The following RNGTT variants were observed in gnomAD, a reference collection of about 807,000 sequenced individuals.
The protein encoded by RNGTT is mRNA-capping enzyme.
In RNGTT, 33 loss-of-function variants were observed where a neutral mutation model predicts 79.3. That is an observed-to-expected ratio of 0.42 (90% CI 0.32 to 0.56). RNGTT has a LOEUF of 0.56. Ranked by LOEUF, RNGTT falls within the 20% of genes least tolerant of loss-of-function variation. The pLI, the probability that RNGTT is intolerant of heterozygous loss-of-function variation, is 0.17. For synonymous variants in RNGTT, 222 were observed against 235.9 expected, an observed-to-expected ratio of 0.94 and a Z score of 0.54; for missense variants, 497 against 739.1, an observed-to-expected ratio of 0.67 and a Z score of 3.80.
chr6:88,796,993 T>C (rs1045627638), intron 12 of RNGTT, among the ~76,000 whole-genome samples: 5 of 152,194 alleles, frequency 3.3e-5, no homozygotes, highest in Non-Finnish European at 7.4e-5. Context: ...TTCTCTAGTA[T>C]ATATAAGAAG....
At chr6:88,852,917 T>C (rs181621583) in intron 9 of RNGTT, among the ~76,000 whole-genome samples, 6 of 152,324 alleles carry the variant, frequency 3.9e-5, no homozygotes, top group African/African-American at 7.2e-5. Context: ...CATTCAGACA[T>C]TTATGTGAAA....
At chr6:88,619,277 C>T (rs1412765454) in intron 14 of RNGTT, among the ~76,000 whole-genome samples, 8 of 151,984 alleles carry the variant, frequency 5.3e-5, no homozygotes, top group Admixed American at 1.3e-4. Context: ...GTCATCCTCC[C>T]GCCTCAGCCT....
intron 6 of RNGTT, among the ~76,000 whole-genome samples, chr6:88,901,563 G>C (rs1015253401): frequency 1.5e-5 from 2 of 134,000 alleles, no homozygotes; most frequent in Admixed American, 8.2e-5. Context: ...CTGGAGTGCA[G>C]TGGCGCGATC....
chr6:88,929,383 T>A, intron 2 of RNGTT, 116 bp from the exon 3 acceptor site: 1 of 646,848 alleles, frequency 1.5e-6, no homozygotes, highest in South Asian at 2.1e-5. Context: ...AGATTCTGTA[T>A]GTACTTTGCC....
chr6:88,740,155 A>G (rs1265326418), intron 13 of RNGTT, among the ~76,000 whole-genome samples: 1 of 152,098 alleles, frequency 6.6e-6, no homozygotes, highest in Middle Eastern at 3.2e-3. Context: ...TACTCAGGAG[A>G]AAGCAAGAGG....
chr6:88,813,186 AACCG>A (rs1391466018), intron 11 of RNGTT, among the ~76,000 whole-genome samples: 2 of 152,206 alleles, frequency 1.3e-5, no homozygotes, highest in East Asian at 3.8e-4. Flanking sequence ...AATCAACTGG[AACCG>A]ATATGGCCTA....
chr6:88,941,180 C>T lies in RNGTT; in HGVS notation c.65G>A (p.Gly22Glu), dbSNP rs1286238955. The change falls in exon 2 of 16, where the codon GGA becomes GAA. Residue 22 changes from glycine to glutamate, a missense_variant and splice_region_variant. By Grantham distance (98) the Gly-to-Glu change is moderately conservative. Transcript: ENST00000369485. ...NCPRRGQPVA[G>E]RFLPLKTMLG... ...CATTGTCTTCAGAGGTAAGAATCTT[C>T]CTAAACAACACAGATAGGTAATCAT... 10 of 1,539,632 alleles carry T rather than the reference C, an allele frequency of 6.5e-6. No individual in the cohort carries two copies. Among genetic ancestry groups the T allele is most frequent in the Non-Finnish European group, 2.7e-6 (3 of 1,117,528 alleles).
At chr6:88,940,698 G>A (rs1370925477) in intron 2 of RNGTT, among the ~76,000 whole-genome samples, 2 of 152,134 alleles carry the variant, frequency 1.3e-5, no homozygotes, top group Non-Finnish European at 2.9e-5. Flanking sequence ...ACCATAAAGA[G>A]GTAGCATGAG....
chr6:88,731,893 T>C (rs778424807), intron 13 of RNGTT, among the ~76,000 whole-genome samples: 3 of 152,156 alleles, frequency 2.0e-5, no homozygotes, highest in African/African-American at 7.2e-5. Context: ...ATATGTATTA[T>C]ATACTATATT....
intron 11 of RNGTT, among the ~76,000 whole-genome samples, chr6:88,833,679 A>C (rs1471030774): frequency 1.3e-5 from 2 of 152,336 alleles, no homozygotes; most frequent in East Asian, 3.9e-4. Flanking sequence ...CAGAACAATT[A>C]ATTGATCAGA....
intron 8 of RNGTT, among the ~76,000 whole-genome samples, chr6:88,888,982 C>T (rs1372124965): frequency 2.0e-5 from 3 of 152,144 alleles, no homozygotes; most frequent in Non-Finnish European, 4.4e-5. Context: ...GAGCCGAGAT[C>T]GTGCCATTGC....
chr6:88,948,732 T>C (rs1241612865), intron 1 of RNGTT, among the ~76,000 whole-genome samples: 3 of 100,346 alleles, frequency 3.0e-5, no homozygotes, highest in Non-Finnish European at 2.1e-5. Context: ...TAGAAAGAAG[T>C]AGACATGGGA....
At chr6:88,805,092 C>G (rs1327690887) in intron 11 of RNGTT, among the ~76,000 whole-genome samples, 2 of 152,122 alleles carry the variant, frequency 1.3e-5, no homozygotes, top group African/African-American at 4.8e-5. Context: ...AATAAAAAAG[C>G]AGATAATCTA....
At chr6:88,732,332 C>A (rs537418204) in intron 13 of RNGTT, among the ~76,000 whole-genome samples, 3 of 152,194 alleles carry the variant, frequency 2.0e-5, no homozygotes, top group Admixed American at 6.5e-5. Context: ...CAATGAGATC[C>A]CAGTTTACAC....
intron 11 of RNGTT, among the ~76,000 whole-genome samples, chr6:88,820,066 G>A (rs1168074370): frequency 1.3e-5 from 2 of 151,970 alleles, no homozygotes; most frequent in Non-Finnish European, 2.9e-5. Flanking sequence ...GGAAAACCAA[G>A]CAAAGAGTAT....
intron 8 of RNGTT, among the ~76,000 whole-genome samples, chr6:88,867,968 G>A (rs1782228534): frequency 6.6e-6 from 1 of 152,156 alleles, no homozygotes; most frequent in African/African-American, 2.4e-5. Context: ...GCCTCCGGCT[G>A]GGAAAGCCCC....
rs1182756876 is a variant in RNGTT, at chr6:88,611,858, G to A, written c.*861C>T. 3 of 152,618 alleles carry A rather than the reference G, an allele frequency of 2.0e-5. No individual in the cohort carries two copies. Among genetic ancestry groups the A allele is most frequent in the South Asian group, 2.1e-4 (1 of 4,826 alleles). The allele number at this position is 152,618 out of a possible 1,614,324, so 9.5% of individuals were successfully genotyped here. A position where few individuals can be genotyped will look rare whatever the true frequency, so the allele number is the denominator to read the frequency against. ...ACTCCCATAGATCACAGTGAGTTGT[G>A]TGTTTTAACGTAATTTACAATGTGC... is the stretch of plus-strand genomic sequence containing the variant. On this transcript the variant is annotated 3_prime_UTR_variant, in exon 16 of 16. Transcript: ENST00000369485.
intron 8 of RNGTT, among the ~76,000 whole-genome samples, chr6:88,863,594 C>T (rs569661793): frequency 2.0e-5 from 3 of 152,228 alleles, no homozygotes; most frequent in Non-Finnish European, 4.4e-5. Context: ...AAGAAAGTCC[C>T]TTCAACCATC....
At chr6:88,842,744 G>A (rs1232430759) in intron 11 of RNGTT, among the ~76,000 whole-genome samples, 1 of 152,070 alleles carries the variant, frequency 6.6e-6, no homozygotes, top group African/African-American at 2.4e-5. Flanking sequence ...ACCAGAAGAT[G>A]CAAGAAATAT....
Sources: allele counts gnomAD v4.1 joint callset (sites outside exome capture counted in the v4.1 genomes callset), GRCh38; gene constraint gnomAD v4.1.1; transcripts MANE v1.5; gene names NCBI Gene and HGNC (gene_info 2026-07-23, HGNC 2026-07-21).